The following STAG2 variants were observed in gnomAD, a reference collection of about 807,000 sequenced individuals.
STAG2 encodes the protein cohesin subunit SA-2.
Under a neutral mutation model 108.1 loss-of-function variants are expected in STAG2, and 14 were observed. That is an observed-to-expected ratio of 0.13 (90% confidence interval 0.09 to 0.20). The LOEUF (loss-of-function observed/expected upper bound fraction) is 0.20. STAG2 is among the 10% of genes least tolerant of loss of function. The pLI is 1.00. For synonymous variants in STAG2, 307 were observed against 302.7 expected (o/e 1.01, Z -0.15); for missense variants, 440 against 940.9 (o/e 0.47, Z 6.96).
At chrX:124,058,120 ATT>A in intron 15 of STAG2, 143 bp downstream of exon 15, 5 of 229,719 alleles carry the variant, frequency 2.2e-5, no homozygotes, top group East Asian at 6.6e-5. Context: ...CACTCCCCCA[ATT>A]TTTTTTTTTA....
intron 8 of STAG2, 88 bp from the exon 9 acceptor site, chrX:124,047,266 T>A (rs369882730): frequency 1.2e-6 from 1 of 818,383 alleles, no homozygotes; most frequent in Non-Finnish European, 1.7e-6. Context: ...ATTAGCTCAT[T>A]TCTGCTTAAT....
chrX:124,026,497 G>C (rs979486637), intron 4 of STAG2: 1 of 181,019 alleles, frequency 5.5e-6, no homozygotes, highest in Non-Finnish European at 1.2e-5. Context: ...TGTTGTTTTG[G>C]AAAGTATATT....
chrX:124,020,597 G>C (rs185411224), intron 1 of STAG2, among the ~76,000 whole-genome samples: 1 of 112,201 alleles, frequency 8.9e-6, no homozygotes, highest in African/African-American at 3.2e-5. Flanking sequence ...GAGGTAGAAG[G>C]ATCTCTTGAG....
intron 20 of STAG2, among the ~76,000 whole-genome samples, chrX:124,064,497 G>A (rs1036449110): frequency 1.9e-5 from 2 of 106,411 alleles, no homozygotes; most frequent in African/African-American, 3.5e-5. Context: ...AGGCTGGAGC[G>A]CAGTGGTACG....
chrX:123,963,614 GA>G (rs2053969377), intron 1 of STAG2, among the ~76,000 whole-genome samples: 1 of 98,360 alleles, frequency 1.0e-5, no homozygotes, highest in Non-Finnish European at 2.0e-5. Context: ...TTAAATAGTC[GA>G]TTTTTTTTTT....
chrX:123,967,011 G>A (rs2054126057), intron 1 of STAG2, among the ~76,000 whole-genome samples: 1 of 109,948 alleles, frequency 9.1e-6, no homozygotes, highest in South Asian at 3.9e-4. Flanking sequence ...CAACCTCCCA[G>A]TAGCTGGGAT....
chrX:123,983,391 G>A (rs1311951455), intron 1 of STAG2, among the ~76,000 whole-genome samples: 1 of 111,510 alleles, frequency 9.0e-6, no homozygotes, highest in African/African-American at 3.3e-5. Context: ...GCCTAGTAGT[G>A]CTAAGTTGCA....
intron 6 of STAG2, among the ~76,000 whole-genome samples, chrX:124,039,737 A>G: frequency 9.5e-6 from 1 of 105,186 alleles, no homozygotes; most frequent in East Asian, 2.9e-4. Context: ...AAGTTGTCCC[A>G]CCTTGGCCTC....
intron 1 of STAG2, among the ~76,000 whole-genome samples, chrX:123,967,300 TTGTTGCC>T (rs1194784278): frequency 7.1e-4 from 69 of 97,709 alleles, no homozygotes; most frequent in Non-Finnish European, 5.4e-4. Flanking sequence ...AGTTTTGCTC[TTGTTGCC>T]CAGGCTAGAG....
chrX:124,029,918 A>G (rs1307919839), intron 4 of STAG2, among the ~76,000 whole-genome samples: 1 of 111,361 alleles, frequency 9.0e-6, no homozygotes, highest in Non-Finnish European at 1.9e-5. Flanking sequence ...TAGCTTAGGC[A>G]TATAGGGAAC....
intron 7 of STAG2, among the ~76,000 whole-genome samples, chrX:124,044,313 C>T (rs974944015): frequency 2.7e-5 from 3 of 111,604 alleles, no homozygotes; most frequent in African/African-American, 9.8e-5. Flanking sequence ...ATTAGCCAAT[C>T]AGAAAATACC....
chrX:123,973,089 A>T (rs1243333891), intron 1 of STAG2, among the ~76,000 whole-genome samples: 1 of 109,449 alleles, frequency 9.1e-6, no homozygotes, highest in African/African-American at 3.3e-5. Context: ...ATAAAAAAAA[A>T]ATGCAGTTGG....
chrX:124,005,492 A>T (rs1016166984), intron 1 of STAG2, among the ~76,000 whole-genome samples: 2 of 111,150 alleles, frequency 1.8e-5, no homozygotes, highest in African/African-American at 6.6e-5. Context: ...TTGGTTTCTA[A>T]TCTGTGTCAA....
intron 3 of STAG2, among the ~76,000 whole-genome samples, chrX:124,023,813 A>G (rs2057008582): frequency 9.0e-6 from 1 of 111,587 alleles, no homozygotes; most frequent in South Asian, 3.8e-4. Flanking sequence ...AGGACCTGAA[A>G]TAGGATAATG....
chrX:124,085,203 C>G (rs761088568), intron 29 of STAG2, among the ~76,000 whole-genome samples: 1 of 111,895 alleles, frequency 8.9e-6, no homozygotes, highest in Non-Finnish European at 1.9e-5. Flanking sequence ...TTACAGACAA[C>G]TATGTATTGA....
At position 124,064,065 on chromosome X, in the gene STAG2, C is replaced by T; in HGVS notation, c.2025+14C>T. The T allele has an allele frequency of 8.6e-7, 1 of 1,159,585 alleles. No homozygotes were observed. Among genetic ancestry groups the T allele is most frequent in the Non-Finnish European group, 1.2e-6 (1 of 855,020 alleles). ...TTTCTGCAAGAGGTATATATTATAA[C>T]TATTACAAGTATTTTGTCAGTTGAG... On this transcript the variant is annotated intron_variant, in intron 20 of 34. Transcript: ENST00000371145.
At chrX:124,100,142 A>G (rs1204364681) in intron 34 of STAG2, among the ~76,000 whole-genome samples, 8 of 111,671 alleles carry the variant, frequency 7.2e-5, no homozygotes, top group Non-Finnish European at 1.1e-4. Context: ...TGCCTTTTTG[A>G]AAAACCATAT....
intron 6 of STAG2, among the ~76,000 whole-genome samples, chrX:124,039,249 G>A (rs1031095292): frequency 6.5e-5 from 7 of 108,037 alleles, no homozygotes; most frequent in African/African-American, 2.4e-4. Context: ...TTGACCTCCT[G>A]GGCTCAGGTG....
intron 24 of STAG2, among the ~76,000 whole-genome samples, chrX:124,070,902 TA>T (rs1364032046): frequency 1.8e-5 from 2 of 110,866 alleles, no homozygotes; most frequent in Admixed American, 9.6e-5. Flanking sequence ...TGCTGAAAAT[TA>T]AAAAAAATTT....
Sources: gnomAD v4.1 joint callset for allele counts (sites outside exome capture counted in the v4.1 genomes callset) on GRCh38, gnomAD v4.1.1 for gene constraint, MANE v1.5 for transcripts, NCBI Gene and HGNC (gene_info 2026-07-23, HGNC 2026-07-21) for gene names.